DMD: variants seen among roughly 807,000 people sequenced by gnomAD.
DMD encodes dystrophin, also known as mutant dystrophin.
DMD carries 63 observed loss-of-function variants against 330.1 expected under a neutral mutation model. The observed-to-expected ratio is 0.19, with a 90% confidence interval of 0.16 to 0.24. The LOEUF (loss-of-function observed/expected upper bound fraction) is 0.24, where lower values mean the gene tolerates loss of function less well. Among genes scored for constraint, DMD ranks in the 10% least tolerant of loss-of-function variants. The pLI is 1.00. For synonymous variants in DMD, 1,223 were observed against 959.8 expected, an observed-to-expected ratio of 1.27 and a Z score of -5.07; for missense variants, 3,344 against 2,684.1, an observed-to-expected ratio of 1.25 and a Z score of -5.43.
intron 55 of DMD, among the ~76,000 whole-genome samples, chrX:31,510,419 C>T (rs1429018773): frequency 9.1e-6 from 1 of 110,470 alleles, no homozygotes; most frequent in Non-Finnish European, 1.9e-5. Flanking sequence ...GGGAAAAGCA[C>T]CCTGAAAGAC....
In DMD at chrX:31,959,159, C is replaced by A. The variant is rs955217293; in HGVS notation, c.6614+9180G>T. On this transcript the variant is annotated intron_variant, in intron 45 of 78. Transcript: ENST00000357033. ...ATTGTCTCTAACTTGAGTCACCCTGCCACTAGTTTCACTCTCTTTTTTTCA... is the reference window on the plus strand; with the variant it reads ...ATTGTCTCTAACTTGAGTCACCCTGACACTAGTTTCACTCTCTTTTTTTCA... Among the ~76,000 whole-genome samples, 3 of 111,846 alleles carry A rather than the reference C, an allele frequency of 2.7e-5. No homozygotes were observed. In the East Asian group the frequency reaches 8.4e-4, roughly 31 times the overall value.
At chrX:31,648,450 C>T (rs893339543) in intron 54 of DMD, among the ~76,000 whole-genome samples, 1 of 106,731 alleles carries the variant, frequency 9.4e-6, no homozygotes, top group Non-Finnish European at 1.9e-5. Context: ...AGACATAGGG[C>T]TTTTGGGGCC....
At chrX:31,261,336 G>A in intron 62 of DMD, 1 of 259,409 alleles carries the variant, frequency 3.9e-6, no homozygotes, top group Non-Finnish European at 7.0e-6. Flanking sequence ...CGACTATCAG[G>A]ACTTCTTCAC....
At chrX:32,867,326 T>C (rs752335506) in intron 2 of DMD, among the ~76,000 whole-genome samples, 1 of 112,278 alleles carries the variant, frequency 8.9e-6, no homozygotes, top group African/African-American at 3.2e-5. Context: ...AAATCAAAAA[T>C]AGTTCCCTGT....
intron 44 of DMD, among the ~76,000 whole-genome samples, chrX:32,078,806 T>C (rs1236239885): frequency 8.9e-6 from 1 of 111,922 alleles, no homozygotes; most frequent in African/African-American, 3.3e-5. Context: ...GCTTCCCTTG[T>C]CTAAATAAAA....
intron 67 of DMD, among the ~76,000 whole-genome samples, chrX:31,197,626 A>G (rs1341478874): frequency 8.9e-6 from 1 of 111,897 alleles, no homozygotes; most frequent in African/African-American, 3.2e-5. Flanking sequence ...AGGAGGCAGA[A>G]AACAGATGTA....
intron 60 of DMD, among the ~76,000 whole-genome samples, chrX:31,362,275 C>T (rs975714939): frequency 2.7e-5 from 3 of 111,850 alleles, no homozygotes; most frequent in African/African-American, 9.7e-5. Context: ...CCAAAGTAAT[C>T]GGAAATGCTC....
intron 1 of DMD, among the ~76,000 whole-genome samples, chrX:33,237,417 A>AT (rs2052508883): frequency 9.2e-6 from 1 of 108,912 alleles, no homozygotes; most frequent in South Asian, 4.0e-4. Flanking sequence ...CTAATTTTGT[A>AT]TTTTTTTAGT....
chrX:31,394,563 G>A (rs1159606861), intron 60 of DMD, among the ~76,000 whole-genome samples: 1 of 111,693 alleles, frequency 9.0e-6, no homozygotes, highest in Non-Finnish European at 1.9e-5. Context: ...GGAGGTCGAG[G>A]TGGGTGGATC....
chrX:31,762,927 A>G (rs954567953), intron 51 of DMD, among the ~76,000 whole-genome samples: 1 of 112,769 alleles, frequency 8.9e-6, no homozygotes, highest in Non-Finnish European at 1.9e-5. Context: ...CATGAATCAT[A>G]TTGCATTTAA....
chrX:32,645,304 G>A, intron 9 of DMD, 152 bp from the exon 10 acceptor site: 1 of 580,716 alleles, frequency 1.7e-6, no homozygotes, highest in East Asian at 3.6e-5. Context: ...ACAATAGGGA[G>A]TTTTCATTTT....
chrX:33,104,945 C>A (rs889353838), intron 1 of DMD, among the ~76,000 whole-genome samples: 1 of 111,934 alleles, frequency 8.9e-6, no homozygotes, highest in African/African-American at 3.2e-5. Context: ...TATATGTAAA[C>A]AAAGTAACTG....
At chrX:32,783,185 A>G (rs1160087622) in intron 7 of DMD, among the ~76,000 whole-genome samples, 1 of 95,417 alleles carries the variant, frequency 1.0e-5, no homozygotes, top group Non-Finnish European at 2.2e-5. Context: ...ACACATATAT[A>G]CCATATATGT....
chrX:32,898,748 C>A (rs2085956712), intron 2 of DMD, among the ~76,000 whole-genome samples: 1 of 111,213 alleles, frequency 9.0e-6, no homozygotes, highest in Non-Finnish European at 1.9e-5. Context: ...ACTTTTGTTG[C>A]CATCTGCTGG....
At chrX:32,483,721 C>A (rs768845485) in intron 21 of DMD, among the ~76,000 whole-genome samples, 100 of 92,720 alleles carry the variant, frequency 1.1e-3, no homozygotes, top group Non-Finnish European at 1.8e-3. Flanking sequence ...GGCACAGTAA[C>A]AAGTATACTG....
chrX:32,198,384 A>G (rs1310457805), intron 44 of DMD, among the ~76,000 whole-genome samples: 1 of 111,717 alleles, frequency 9.0e-6, no homozygotes, highest in African/African-American at 3.2e-5. Context: ...CACCCTCACA[A>G]GAGCTTCAAT....
rs538291467 is a variant in DMD, at chrX:32,237,676, A to G, written c.6291-20613T>C. On this transcript the variant is annotated intron_variant, in intron 43 of 78. Transcript: ENST00000357033. ...ATGAAGTGAAATGAAAATGACATAT[A>G]TCACTCCTACATAGAGGCATGTAAG... Among the ~76,000 whole-genome samples the G allele has an allele frequency of 4.1e-4, 46 of 111,918 alleles. No homozygotes were observed. In the South Asian group the frequency reaches 0.017, roughly 42 times the overall value.
intron 44 of DMD, among the ~76,000 whole-genome samples, chrX:32,192,967 A>G (rs989009226): frequency 8.0e-5 from 9 of 111,870 alleles, no homozygotes; most frequent in Non-Finnish European, 1.5e-4. Flanking sequence ...GTGGGAGGTG[A>G]CTGGATCATG....
rs924962036 is a variant in DMD at position 33,126,084 on chromosome X, G to A, written c.31+85198C>T. Among the ~76,000 whole-genome samples the A allele has an allele frequency of 2.3e-4, 25 of 109,381 alleles. No homozygotes were observed. The Admixed American group carries it at 2.5e-3, about 11-fold the overall frequency. The allele number at this position is 109,381 out of a possible 115,157, so 95.0% of individuals were successfully genotyped here. ...AGGTTTTACGTATTTGAGACCTAATGACCAATTGTTTACTTTTGTCAACAG... is the reference window on the plus strand; with the variant it reads ...AGGTTTTACGTATTTGAGACCTAATAACCAATTGTTTACTTTTGTCAACAG... On this transcript the variant is annotated intron_variant, in intron 1 of 78. Transcript: ENST00000357033.
Sources: gnomAD v4.1 joint callset for allele counts (sites outside exome capture counted in the v4.1 genomes callset) on GRCh38, gnomAD v4.1.1 for gene constraint, MANE v1.5 for transcripts, NCBI Gene and HGNC (gene_info 2026-07-23, HGNC 2026-07-21) for gene names.